The following CCDC73 variants were observed in gnomAD, a reference collection of about 807,000 sequenced individuals.
CCDC73 encodes coiled-coil domain containing 73.
CCDC73 carries 95 observed loss-of-function variants against 116.5 expected under a neutral mutation model. The observed-to-expected ratio is 0.82, with a 90% CI of 0.69 to 0.97. The LOEUF is 0.97. Among genes scored for constraint, CCDC73 ranks in the 50% least tolerant of loss-of-function variants. The probability of loss-of-function intolerance (pLI) is 0.00; values close to 1 mark genes in which losing one functional copy is unlikely to be tolerated. For synonymous variants in CCDC73, 398 were observed against 401.3 expected (o/e 0.99, Z 0.10); for missense variants, 1,066 against 1,206.8 (o/e 0.88, Z 1.73).
intron 2 of CCDC73, among the ~76,000 whole-genome samples, chr11:32,736,355 T>C (rs1246304209): frequency 2.0e-5 from 3 of 152,086 alleles, no homozygotes; most frequent in Non-Finnish European, 4.4e-5. Context: ...GCAAAGGATA[T>C]GAACAGACAC....
chr11:32,640,015 T>C (rs1329921294), intron 13 of CCDC73, among the ~76,000 whole-genome samples: 1 of 152,218 alleles, frequency 6.6e-6, no homozygotes, highest in Non-Finnish European at 1.5e-5. Context: ...TTTATTTTTA[T>C]CAGTATCTTT....
intron 9 of CCDC73, among the ~76,000 whole-genome samples, chr11:32,661,198 T>C (rs1353571806): frequency 6.6e-6 from 1 of 152,190 alleles, no homozygotes; most frequent in Admixed American, 6.5e-5. Flanking sequence ...AGTGAAGGAA[T>C]ATAAGGAGCT....
intron 10 of CCDC73, among the ~76,000 whole-genome samples, chr11:32,654,587 T>C (rs1464024654): frequency 6.6e-6 from 1 of 152,140 alleles, no homozygotes; most frequent in Non-Finnish European, 1.5e-5. Context: ...TATAAACTCA[T>C]CTCCAAAGCT....
intron 9 of CCDC73, among the ~76,000 whole-genome samples, chr11:32,664,359 C>T (rs1665824866): frequency 6.6e-6 from 1 of 152,046 alleles, no homozygotes; most frequent in Admixed American, 6.6e-5. Context: ...AATTTCAGAT[C>T]CTGTTATTGG....
chr11:32,759,895 CTTCTT>C (rs1193254666), intron 2 of CCDC73, among the ~76,000 whole-genome samples: 2 of 152,150 alleles, frequency 1.3e-5, no homozygotes, highest in South Asian at 2.1e-4. Context: ...TCTGAAAACT[CTTCTT>C]TTATTTTGTG....
At chr11:32,709,764 A>G (rs1315993652) in intron 3 of CCDC73, among the ~76,000 whole-genome samples, 1 of 152,196 alleles carries the variant, frequency 6.6e-6, no homozygotes, top group Non-Finnish European at 1.5e-5. Flanking sequence ...CTCTTTTGAA[A>G]TAGTGTCAGC....
chr11:32,733,916 G>A (rs886069228), intron 2 of CCDC73, among the ~76,000 whole-genome samples: 1 of 152,118 alleles, frequency 6.6e-6, no homozygotes, highest in Admixed American at 6.6e-5. Context: ...AAATAACTAA[G>A]ATCAGAGCAG....
intron 6 of CCDC73, 32 bp downstream of exon 6, chr11:32,699,219 C>A (rs1388808104): frequency 1.3e-6 from 2 of 1,546,022 alleles, no homozygotes; most frequent in Admixed American, 1.9e-5. Flanking sequence ...AAATACCAAA[C>A]TACTTTTTAA....
intron 1 of CCDC73, among the ~76,000 whole-genome samples, chr11:32,781,810 G>T (rs1180906999): frequency 1.3e-5 from 2 of 152,200 alleles, no homozygotes; most frequent in Non-Finnish European, 2.9e-5. Flanking sequence ...TGAGGCAGCA[G>T]ATTGGAAGGA....
At position 32,675,631 on chromosome 11, in the gene CCDC73, T is replaced by C. The variant is rs1206537179; in HGVS notation, c.579A>G (p.Ile193Met). The C allele has an allele frequency of 6.3e-7, 1 of 1,592,280 alleles. No homozygotes were observed. The highest frequency in any genetic ancestry group is 2.3e-5 in the East Asian group (1 of 44,426). The change falls in exon 9 of 18, where the codon ATA becomes ATG. Residue 193 changes from isoleucine (I) to methionine (M), a missense_variant. By Grantham distance (10) the Ile-to-Met change is conservative (BLOSUM62 1). Transcript: ENST00000335185. Reference sequence around the variant, plus strand: ...AAGCTGAAAGTCTTTTGTTTGATTGTATTGCTTCCCGTACTGCAACATGAA... The same window carrying C: ...AAGCTGAAAGTCTTTTGTTTGATTGCATTGCTTCCCGTACTGCAACATGAA... ...EKLEQNVREA[I>M]QSNKRLSALN...
chr11:32,722,825 T>G (rs1206124902), intron 2 of CCDC73, among the ~76,000 whole-genome samples: 2 of 152,208 alleles, frequency 1.3e-5, no homozygotes, highest in African/African-American at 4.8e-5. Flanking sequence ...ATTTATTGAT[T>G]AATTGAATCC....
the CCDC73 span, among the ~76,000 whole-genome samples, chr11:32,824,748 CAGTA>C: frequency 5.3e-5 from 8 of 152,142 alleles, no homozygotes; most frequent in Non-Finnish European, 1.0e-4. Flanking sequence ...TAGTAAGCAT[CAGTA>C]AAAGAAACCA....
At chr11:32,746,539 T>C (rs1397563605) in intron 2 of CCDC73, among the ~76,000 whole-genome samples, 1 of 152,216 alleles carries the variant, frequency 6.6e-6, no homozygotes, top group Non-Finnish European at 1.5e-5. Flanking sequence ...TTGTTTCCAT[T>C]CTTCCTGTCA....
the CCDC73 span, among the ~76,000 whole-genome samples, chr11:32,819,472 T>G: frequency 6.6e-6 from 1 of 151,444 alleles, no homozygotes; most frequent in Non-Finnish European, 1.5e-5. Context: ...AAGAGGTTTT[T>G]TTTTTTTTTA....
At position 32,655,424 on chromosome 11, in the gene CCDC73, C is replaced by T. The variant is rs962538758; in HGVS notation, c.646-452G>A. ...CATAAACTGTATCAAAACGGTATTACATGTGAAGGTGCTATTTGAACTGAA... is the reference window on the plus strand; with the variant it reads ...CATAAACTGTATCAAAACGGTATTATATGTGAAGGTGCTATTTGAACTGAA... On this transcript the variant is annotated intron_variant, in intron 9 of 17. Coordinates refer to ENST00000335185, the MANE Select transcript of CCDC73 (RefSeq NM_001008391.4). 2.6e-5 allele frequency among the ~76,000 whole-genome samples: 4 copies of T among 152,128 alleles called. No individual in the cohort carries two copies. The East Asian group carries it at 7.7e-4, about 29-fold the overall frequency.
At position 32,614,958 on chromosome 11, in the gene CCDC73, C is replaced by T; in HGVS notation, c.1376-16G>A. 1.3e-6 allele frequency: 2 copies of T among 1,524,750 alleles called. No individual in the cohort carries two copies. The highest frequency in any genetic ancestry group is 1.8e-6 in the Non-Finnish European group (2 of 1,128,398). 94.5% of individuals were successfully genotyped at this position (1,524,750 alleles called of 1,614,324 possible). ...AGCTGTAAATCTGTCATGATGGGAACACAGTAAAATTTTATATTATACACT... is the reference window on the plus strand; with the variant it reads ...AGCTGTAAATCTGTCATGATGGGAATACAGTAAAATTTTATATTATACACT... On this transcript the variant is annotated splice_polypyrimidine_tract_variant and intron_variant, in intron 15 of 17. Coordinates refer to ENST00000335185, the MANE Select transcript of CCDC73 (RefSeq NM_001008391.4).
At chr11:32,796,895 C>T (rs1332947824), upstream of CCDC73, among the ~76,000 whole-genome samples, 1 of 151,542 alleles carries the variant, frequency 6.6e-6, no homozygotes, top group Non-Finnish European at 1.5e-5. Context: ...CTGTGTAATC[C>T]CAGCTGCTCC....
chr11:32,690,677 T>C (rs942265397), intron 6 of CCDC73, among the ~76,000 whole-genome samples: 1 of 151,992 alleles, frequency 6.6e-6, no homozygotes, highest in Non-Finnish European at 1.5e-5. Context: ...CATGCTTACT[T>C]CCCCGCCCGC....
intron 9 of CCDC73, among the ~76,000 whole-genome samples, chr11:32,666,242 C>T (rs542020392): frequency 0.017 from 2,575 of 152,220 alleles, 76 homozygotes; most frequent in African/African-American, 0.057. Context: ...CTGGATAATA[C>T]CCTGCTGAGT....
Sources: allele counts gnomAD v4.1 joint callset (sites outside exome capture counted in the v4.1 genomes callset), GRCh38; gene constraint gnomAD v4.1.1; transcripts MANE v1.5; gene names NCBI Gene and HGNC (gene_info 2026-07-23, HGNC 2026-07-21).